The following LCP1 variants were observed in gnomAD, a reference collection of about 807,000 sequenced individuals.
The protein encoded by LCP1 is plastin-2.
In LCP1, 23 loss-of-function variants were observed where a neutral mutation model predicts 72.0. That is an observed-to-expected ratio of 0.32 (90% confidence interval 0.23 to 0.45). The LOEUF is 0.45. Among genes scored for constraint, LCP1 ranks in the 20% least tolerant of loss-of-function variants. LCP1 has a pLI of 1.00. For missense variants in LCP1, 571 were observed against 748.3 expected, an observed-to-expected ratio of 0.76 and a Z score of 2.76; for synonymous variants, 245 against 275.4, an observed-to-expected ratio of 0.89 and a Z score of 1.09.
intron 7 of LCP1, among the ~76,000 whole-genome samples, chr13:46,152,009 C>T (rs1362441752): frequency 3.3e-5 from 5 of 152,146 alleles, no homozygotes; most frequent in Admixed American, 6.6e-5. Flanking sequence ...GAATTTTCTA[C>T]GGTCTTTAAA....
chr13:46,158,816 T>C lies in LCP1; in HGVS notation c.228+10A>G. 6.2e-7 allele frequency: 1 copy of C among 1,613,852 alleles called. No individual in the cohort carries two copies. On this transcript the variant is annotated intron_variant, in intron 3 of 15. Transcript: ENST00000323076. ...CAAATGTGTCTCCTTGTATTCTGCA[T>C]GGTACTCACCTTGATAAACTCATCA...
At chr13:46,134,487 G>A (rs2138220655) in intron 13 of LCP1, among the ~76,000 whole-genome samples, 1 of 152,120 alleles carries the variant, frequency 6.6e-6, no homozygotes, top group Non-Finnish European at 1.5e-5. Context: ...TTCTAAGCAT[G>A]ATCATTGCTC....
At chr13:46,154,998 T>A in intron 5 of LCP1, 112 bp from the exon 6 acceptor site, 2 of 797,006 alleles carry the variant, frequency 2.5e-6, no homozygotes, top group South Asian at 3.2e-5. Context: ...CAACAGAATC[T>A]GTGATGTTTA....
intron 1 of LCP1, among the ~76,000 whole-genome samples, chr13:46,161,482 A>G (rs1325007831): frequency 3.3e-5 from 5 of 152,176 alleles, no homozygotes; most frequent in Non-Finnish European, 2.9e-5. Context: ...CAATCTCACT[A>G]ACACATCACA....
At chr13:46,140,937 C>T (rs1043350876) in intron 13 of LCP1, among the ~76,000 whole-genome samples, 3 of 152,100 alleles carry the variant, frequency 2.0e-5, no homozygotes, top group African/African-American at 7.2e-5. Context: ...ATCACTAAAG[C>T]ATCGGTGAGC....
intron 7 of LCP1, among the ~76,000 whole-genome samples, chr13:46,151,623 C>A (rs2045764738): frequency 6.6e-6 from 1 of 152,300 alleles, no homozygotes; most frequent in African/African-American, 2.4e-5. Flanking sequence ...TAGCTGAGGT[C>A]ATTATTTGAA....
At chr13:46,159,429 T>A in intron 2 of LCP1, 170 bp downstream of exon 2, 2 of 600,752 alleles carry the variant, frequency 3.3e-6, no homozygotes, top group Non-Finnish European at 5.9e-6. Flanking sequence ...AGAAAGTCAT[T>A]TTATTGAAGC....
chr13:46,163,034 C>T (rs1265139148), intron 1 of LCP1, among the ~76,000 whole-genome samples: 1 of 148,252 alleles, frequency 6.7e-6, no homozygotes, highest in Non-Finnish European at 1.5e-5. Flanking sequence ...CCCGCCCGGC[C>T]AGCCGCCCCG....
At chr13:46,171,268 C>T (rs2045903120) in intron 1 of LCP1, among the ~76,000 whole-genome samples, 1 of 152,198 alleles carries the variant, frequency 6.6e-6, no homozygotes, top group African/African-American at 2.4e-5. Flanking sequence ...GGAGTGGCCT[C>T]CTGCCTTTCC....
intron 6 of LCP1, chr13:46,153,238 C>G (rs2045780164): frequency 4.6e-6 from 1 of 215,410 alleles, no homozygotes; most frequent in South Asian, 1.1e-4. Context: ...CCATCTTGCT[C>G]TGTGATGAAG....
At chr13:46,159,737 A>ATGTGGTATTTTAAG in intron 1 of LCP1, 51 bp from the exon 2 acceptor site, 3 of 1,057,102 alleles carry the variant, frequency 2.8e-6, no homozygotes, top group Non-Finnish European at 4.4e-6. Flanking sequence ...TGAATTCTTA[A>ATGTGGTATTTTAAG]AATACCACAT....
chr13:46,166,694 T>C (rs1180701065), intron 1 of LCP1, among the ~76,000 whole-genome samples: 6 of 152,138 alleles, frequency 3.9e-5, no homozygotes, highest in African/African-American at 1.2e-4. Context: ...AAATAAAATA[T>C]GTAGGACTAT....
chr13:46,176,746 T>C (rs17601960), intron 1 of LCP1, among the ~76,000 whole-genome samples: 8,181 of 152,326 alleles, frequency 0.054, 300 homozygotes, highest in South Asian at 0.1. Context: ...GCATAATTAA[T>C]CTGCTTGCTG....
At chr13:46,171,185 G>A (rs1593964331) in intron 1 of LCP1, among the ~76,000 whole-genome samples, 1 of 152,210 alleles carries the variant, frequency 6.6e-6, no homozygotes. Context: ...AATCCTATAG[G>A]GTATTACTAT....
intron 1 of LCP1, among the ~76,000 whole-genome samples, chr13:46,181,069 G>GTAT (rs2045953427): frequency 6.6e-6 from 1 of 152,212 alleles, no homozygotes; most frequent in African/African-American, 2.4e-5. Context: ...TATGACAAAT[G>GTAT]TATGTAAATT....
rs962617339 is a variant in LCP1 at position 46,130,368 on chromosome 13, T to C, written c.1751+446A>G. 9.9e-5 allele frequency among the ~76,000 whole-genome samples: 15 copies of C among 152,196 alleles called. 1 individual carries two copies. Among genetic ancestry groups the C allele is most frequent in the Admixed American group, 9.2e-4 (14 of 15,290 alleles). Reference sequence around the variant, plus strand: ...CAGGGCAGATCTGGCTCAGAAACTGTAATATGCTGATACTCACTCTAGAGG... The same window carrying C: ...CAGGGCAGATCTGGCTCAGAAACTGCAATATGCTGATACTCACTCTAGAGG... On this transcript the variant is annotated intron_variant, in intron 15 of 15. Transcript: ENST00000323076.
chr13:46,149,021 A>T (rs1249446697), intron 8 of LCP1, among the ~76,000 whole-genome samples: 1 of 152,224 alleles, frequency 6.6e-6, no homozygotes, highest in Non-Finnish European at 1.5e-5. Context: ...ATTTAGTTAT[A>T]GCAGATTAGA....
chr13:46,142,918 C>G (rs2045707215), intron 12 of LCP1: 1 of 369,406 alleles, frequency 2.7e-6, no homozygotes, highest in South Asian at 2.1e-5. Flanking sequence ...ACAATGTTCC[C>G]ACTGTGTTGA....
In LCP1 at chr13:46,158,575, G is replaced by A; in HGVS notation, c.305C>T (p.Ala102Val). 6.2e-7 allele frequency: 1 copy of A among 1,614,142 alleles called. No homozygotes were observed. The highest frequency in any genetic ancestry group is 8.5e-7 in the Non-Finnish European group (1 of 1,180,010). The change falls in exon 4 of 16, where the codon GCA (alanine) becomes GTA (valine). Residue 102 changes from alanine (A) to valine (V), a missense_variant. Transcript: ENST00000323076. ...AGACTGCTCTGAAGTACCACCGATT[G>A]CACAAATCCCTTCCTTCTTATTGAT... ...KAINKKEGIC[A>V]IGGTSEQSSV...
Sources: gnomAD v4.1 joint callset for allele counts (sites outside exome capture counted in the v4.1 genomes callset) on GRCh38, gnomAD v4.1.1 for gene constraint, MANE v1.5 for transcripts, NCBI Gene and HGNC (gene_info 2026-07-23, HGNC 2026-07-21) for gene names.